Variants in GRAMD1B observed in about 807,000 individuals in gnomAD.
GRAMD1B encodes GRAM domain containing 1B, also known as protein Aster-B.
Under a neutral mutation model 99.7 loss-of-function variants are expected in GRAMD1B, and 37 were observed. The observed-to-expected ratio is 0.37, with a 90% CI of 0.29 to 0.49. The LOEUF is 0.49. GRAMD1B is among the 20% of genes least tolerant of loss of function. The pLI is 0.98. For missense variants in GRAMD1B, 888 were observed against 1,009.2 expected, an observed-to-expected ratio of 0.88 and a Z score of 1.63; for synonymous variants, 427 against 387.6, an observed-to-expected ratio of 1.10 and a Z score of -1.19.
intron 2 of GRAMD1B, among the ~76,000 whole-genome samples, chr11:123,542,945 C>T (rs572953827): frequency 2.6e-5 from 4 of 151,934 alleles, no homozygotes; most frequent in African/African-American, 7.2e-5. Flanking sequence ...TGAGCCACTG[C>T]GCCCAGCCTG....
intron 2 of GRAMD1B, among the ~76,000 whole-genome samples, chr11:123,545,447 A>C (rs974107709): frequency 6.6e-5 from 10 of 152,208 alleles, no homozygotes; most frequent in Admixed American, 1.3e-4. Flanking sequence ...GACCTAGTCC[A>C]TCAGAATATC....
chr11:123,453,459 G>A (rs1949978272), intron 1 of GRAMD1B, among the ~76,000 whole-genome samples: 2 of 152,070 alleles, frequency 1.3e-5, no homozygotes, highest in Non-Finnish European at 1.5e-5. Flanking sequence ...AGAAATTACA[G>A]GCACGCGCCA....
intron 1 of GRAMD1B, among the ~76,000 whole-genome samples, chr11:123,391,789 T>C (rs1215325175): frequency 2.6e-5 from 4 of 152,170 alleles, no homozygotes; most frequent in African/African-American, 9.6e-5. Flanking sequence ...AATATGTGAC[T>C]AAGCACTTAC....
chr11:123,445,232 G>T (rs977911974), intron 1 of GRAMD1B, among the ~76,000 whole-genome samples: 2 of 152,182 alleles, frequency 1.3e-5, no homozygotes, highest in African/African-American at 4.8e-5. Context: ...TAACCTTGTC[G>T]TGTTCTTTTG....
At chr11:123,378,726 T>C (rs939895087) in intron 1 of GRAMD1B, among the ~76,000 whole-genome samples, 1 of 152,228 alleles carries the variant, frequency 6.6e-6, no homozygotes, top group East Asian at 1.9e-4. Flanking sequence ...ACAGCATATG[T>C]AGGCCCTTCT....
intron 2 of GRAMD1B, chr11:123,525,797 C>T (rs1032389802): frequency 4.3e-5 from 13 of 303,030 alleles, no homozygotes; most frequent in African/African-American, 8.6e-5. Context: ...TGGCTGTTGA[C>T]GGCAACTCCA....
intron 1 of GRAMD1B, among the ~76,000 whole-genome samples, chr11:123,439,417 C>G (rs1390689059): frequency 1.3e-5 from 2 of 152,220 alleles, no homozygotes; most frequent in African/African-American, 4.8e-5. Context: ...TATCAGACCA[C>G]ATGTCTGGAT....
At chr11:123,431,197 T>G (rs2134174965) in intron 1 of GRAMD1B, 31 bp downstream of exon 1, 1 of 680,684 alleles carries the variant, frequency 1.5e-6, no homozygotes, top group Admixed American at 2.1e-5. Flanking sequence ...TCTCCTTCCC[T>G]TCCCTCCCGT....
chr11:123,575,682 A>G (rs891986525), intron 2 of GRAMD1B, among the ~76,000 whole-genome samples: 1 of 152,094 alleles, frequency 6.6e-6, no homozygotes, highest in Non-Finnish European at 1.5e-5. Flanking sequence ...GGGGTTGTGC[A>G]CTCATGGATC....
intron 1 of GRAMD1B, among the ~76,000 whole-genome samples, chr11:123,457,117 A>AGAAAGAAAGAAAGAAAGAAAGAGAGAAAG: frequency 4.0e-5 from 4 of 99,432 alleles, no homozygotes; most frequent in Non-Finnish European, 4.3e-5. Context: ...TTCTGAGAAA[A>AGAAAGAAAGAAAGAAAGAAAGAGAGAAAG]AAAGAAAGAA....
rs537373545 is a variant in GRAMD1B at position 123,626,222 on chromosome 11, T to C, written c.*3627T>C. ...TTCTAGCACTTCTCTTTTGTTAAGATAGGGTTTGGATTTAGTATGAAGCTT... is the reference window on the plus strand; with the variant it reads ...TTCTAGCACTTCTCTTTTGTTAAGACAGGGTTTGGATTTAGTATGAAGCTT... On this transcript the variant is annotated 3_prime_UTR_variant, in exon 20 of 20. Transcript: ENST00000635736. The C allele has an allele frequency of 6.6e-6, 1 of 152,288 alleles. No individual in the cohort carries two copies. The highest frequency in any genetic ancestry group is 2.4e-5 in the African/African-American group (1 of 41,560). The allele number at this position is 152,288 out of a possible 1,614,324, so 9.4% of individuals were successfully genotyped here. A position where few individuals can be genotyped will look rare whatever the true frequency, so the allele number is the denominator to read the frequency against.
intron 1 of GRAMD1B, among the ~76,000 whole-genome samples, chr11:123,443,412 T>C (rs1027140854): frequency 1.3e-5 from 2 of 152,030 alleles, no homozygotes; most frequent in Non-Finnish European, 2.9e-5. Flanking sequence ...GTGTGCAAGG[T>C]GGTTGGGTTA....
At chr11:123,407,586 A>G (rs527568309) in intron 1 of GRAMD1B, among the ~76,000 whole-genome samples, 10 of 152,306 alleles carry the variant, frequency 6.6e-5, no homozygotes, top group Admixed American at 6.5e-4. Context: ...TGTTGGTCAC[A>G]CCACCAGGTG....
chr11:123,480,184 CACTT>C (rs1951513279), intron 1 of GRAMD1B, among the ~76,000 whole-genome samples: 1 of 152,194 alleles, frequency 6.6e-6, no homozygotes, highest in Non-Finnish European at 1.5e-5. Context: ...GTAATTATCT[CACTT>C]ACAGTGCCTT....
chr11:123,376,269 G>A lies in GRAMD1B; in HGVS notation c.-176+17470G>A, dbSNP rs902439121. Among the ~76,000 whole-genome samples the A allele has an allele frequency of 7.9e-5, 12 of 152,158 alleles. No individual in the cohort carries two copies. In the South Asian group the frequency reaches 1.7e-3, roughly 21 times the overall value. On this transcript the variant is annotated intron_variant, in intron 1 of 20. Coordinates refer to the GRAMD1B transcript ENST00000638157. ...GGTTTCTAATCTTTTCTAGTTTTTAGCATGGAAATAATGCCTTTTTTACAT... is the reference window on the plus strand; with the variant it reads ...GGTTTCTAATCTTTTCTAGTTTTTAACATGGAAATAATGCCTTTTTTACAT...
chr11:123,545,714 A>T (rs1314014915), intron 2 of GRAMD1B, among the ~76,000 whole-genome samples: 1 of 151,340 alleles, frequency 6.6e-6, no homozygotes, highest in Non-Finnish European at 1.5e-5. Context: ...TGCCTCATTG[A>T]TAAGAGTATT....
chr11:123,411,477 A>C (rs1948049582), intron 1 of GRAMD1B, among the ~76,000 whole-genome samples: 1 of 152,154 alleles, frequency 6.6e-6, no homozygotes, highest in South Asian at 2.1e-4. Flanking sequence ...AGAGCTCTCG[A>C]AATCATAATG....
At chr11:123,383,209 T>G (rs1234149540) in intron 1 of GRAMD1B, among the ~76,000 whole-genome samples, 1 of 50,936 alleles carries the variant, frequency 2.0e-5, no homozygotes, top group East Asian at 3.5e-4. Flanking sequence ...AGTCTTGCTC[T>G]CTCTCTCTCT....
intron 1 of GRAMD1B, among the ~76,000 whole-genome samples, chr11:123,462,892 A>AAAT (rs1555126017): frequency 0.037 from 4,007 of 108,730 alleles, 66 homozygotes; most frequent in Non-Finnish European, 0.057. Context: ...AAAATAAATT[A>AAAT]AAAAAAAAAA....
Sources: allele counts gnomAD v4.1 joint callset (sites outside exome capture counted in the v4.1 genomes callset), GRCh38; gene constraint gnomAD v4.1.1; transcripts MANE v1.5; gene names NCBI Gene and HGNC (gene_info 2026-07-23, HGNC 2026-07-21).